The following ENO1 variants were observed in gnomAD, a reference collection of about 807,000 sequenced individuals.
ENO1 encodes the protein enolase 1, also known as alpha-enolase.
In ENO1, 33 loss-of-function variants were observed where a neutral mutation model predicts 46.3. The observed-to-expected ratio is 0.71, with a 90% CI of 0.54 to 0.95. ENO1 has a LOEUF of 0.95. Ranked by LOEUF, ENO1 falls within the 40% of genes least tolerant of loss-of-function variation. ENO1 has a pLI of 0.00. For missense variants in ENO1, 488 were observed against 553.3 expected (o/e 0.88, Z 1.18); for synonymous variants, 220 against 216.0 (o/e 1.02, Z -0.16).
chr1:8,874,852 A>G lies in ENO1; in HGVS notation c.57T>C (p.Thr19=). 1 of 1,613,880 alleles carries G rather than the reference A, an allele frequency of 6.2e-7. No homozygotes were observed. The highest frequency in any genetic ancestry group is 1.7e-5 in the Admixed American group (1 of 59,988). ...TTGAGGTGAAGAGATCAACCTCAAC[A>G]GTGGGATTCCCGCGAGAGTCAAAGA... The part of the protein sequence containing the change: ...REIFDSRGNP[T]VEVDLFTSKG... The change falls in exon 2 of 12, where the codon ACT becomes ACC. Residue 19 remains threonine, a synonymous_variant. Transcript: ENST00000234590.
rs1196880503 is a variant in ENO1 at position 8,863,974 on chromosome 1, G to A, written c.984C>T (p.Ile328=). 12 of 1,614,152 alleles carry A rather than the reference G, an allele frequency of 7.4e-6. No individual in the cohort carries two copies. Among genetic ancestry groups the A allele is most frequent in the South Asian group, 5.5e-5 (5 of 91,088 alleles). ...DDLTVTNPKR[I]AKAVNEKSCN... ...AGGACTTCTCGTTCACGGCCTTGGCGATCCTCTTTGGGTTGGTCACTGTGA... is the reference window on the plus strand; with the variant it reads ...AGGACTTCTCGTTCACGGCCTTGGCAATCCTCTTTGGGTTGGTCACTGTGA... The change falls in exon 9 of 12, where the codon ATC becomes ATT. Residue 328 remains isoleucine, a synonymous_variant. Coordinates refer to ENST00000234590, the MANE Select transcript of ENO1 (RefSeq NM_001428.5).
intron 1 of ENO1, among the ~76,000 whole-genome samples, chr1:8,877,039 G>C (rs1642749146): frequency 6.6e-6 from 1 of 151,252 alleles, no homozygotes. Flanking sequence ...GCCCAGGCTA[G>C]AGTGCAGTGA....
At chr1:8,867,949 T>C (rs1293651512) in intron 5 of ENO1, 39 bp downstream of exon 5, 1 of 1,582,836 alleles carries the variant, frequency 6.3e-7, no homozygotes, top group Non-Finnish European at 8.7e-7. Context: ...GGAGACTTCA[T>C]GATCTTCCCC....
At chr1:8,875,338 C>T (rs1642713879) in intron 1 of ENO1, among the ~76,000 whole-genome samples, 1 of 151,490 alleles carries the variant, frequency 6.6e-6, no homozygotes, top group Non-Finnish European at 1.5e-5. Flanking sequence ...AAAAAGCCCA[C>T]AAACGTGTGT....
chr1:8,874,577 C>CAAAAAAAAAAAAAAAAAAAAAA (rs140269736), intron 2 of ENO1, among the ~76,000 whole-genome samples: 3 of 51,602 alleles, frequency 5.8e-5, no homozygotes, highest in Non-Finnish European at 7.0e-5. Context: ...GACTCCATCT[C>CAAAAAAAAAAAAAAAAAAAAAA]AAAAAAAAAA....
intron 6 of ENO1, among the ~76,000 whole-genome samples, chr1:8,866,816 T>C (rs1368051321): frequency 6.6e-6 from 1 of 152,156 alleles, no homozygotes; most frequent in Non-Finnish European, 1.5e-5. Context: ...TCACGCCAGG[T>C]CTATTTTGAT....
In ENO1 at chr1:8,867,212, C is replaced by T. The variant is rs1411896968; in HGVS notation, c.349G>A (p.Ala117Thr). 1 of 1,614,056 alleles carries T rather than the reference C, an allele frequency of 6.2e-7. No homozygotes were observed. The highest frequency in any genetic ancestry group is 8.5e-7 in the Non-Finnish European group (1 of 1,180,028). Residue 117 changes from alanine to threonine, a missense_variant, in exon 6 of 12, where the codon GCC (alanine) becomes ACC (threonine). Ala to Thr is a moderately conservative substitution (Grantham distance 58). Coordinates refer to ENST00000234590, the MANE Select transcript of ENO1 (RefSeq NM_001428.5). ...TCAACGGCACCAGCTTTGCAGACGG[C>T]AAGGGACACCCCCAGAATGGCGTTC... is the stretch of plus-strand genomic sequence containing the variant. ...GANAILGVSL[A>T]VCKAGAVEKG... is the part of the protein sequence containing the mutation.
Position 8,861,243 on chromosome 1 carries a change from C to T in ENO1, c.*117G>A, listed in dbSNP as rs1344372097. ...CGGTACGAACTCCACGGCGGTGGGG[C>T]GCTAACTAGCAGGGACCCCTGCAAG... On this transcript the variant is annotated 3_prime_UTR_variant, in exon 12 of 12. Transcript: ENST00000234590. 13 of 1,039,472 alleles carry T rather than the reference C, an allele frequency of 1.3e-5. No homozygotes were observed. The highest frequency in any genetic ancestry group is 4.8e-5 in the East Asian group (2 of 41,554). 64.4% of individuals were successfully genotyped at this position (1,039,472 alleles called of 1,614,324 possible).
intron 1 of ENO1, among the ~76,000 whole-genome samples, chr1:8,875,371 A>G (rs1483351749): frequency 6.6e-6 from 1 of 152,046 alleles, no homozygotes; most frequent in Non-Finnish European, 1.5e-5. Flanking sequence ...TCAAATCCAA[A>G]TAGAAAGATG....
intron 1 of ENO1, chr1:8,878,040 C>G (rs1055694253): frequency 1.9e-5 from 3 of 154,070 alleles, no homozygotes; most frequent in Admixed American, 6.5e-5. Flanking sequence ...AATGAGTCAC[C>G]GCTTACTAGG....
At chr1:8,876,853 T>A (rs557697790) in intron 1 of ENO1, among the ~76,000 whole-genome samples, 8 of 152,006 alleles carry the variant, frequency 5.3e-5, no homozygotes, top group African/African-American at 1.9e-4. Flanking sequence ...GATTTTTTTT[T>A]TATTTTTTGA....
Position 8,865,339 on chromosome 1 carries a change from T to G in ENO1, c.811A>C (p.Ile271Leu). ...AGGTCAGCCAGCTGGTCAGGCGAGA[T>G]GTACCTGCTGGGGTCATCGGGAGAC... The part of the protein sequence containing the change: ...FKSPDDPSRY[I>L]SPDQLADLYK... The change falls in exon 8 of 12, where the codon ATC becomes CTC. Residue 271 changes from isoleucine (I) to leucine (L), a missense_variant. Coordinates refer to ENST00000234590, the MANE Select transcript of ENO1 (RefSeq NM_001428.5). 6.2e-7 allele frequency: 1 copy of G among 1,614,238 alleles called. No individual in the cohort carries two copies. Among genetic ancestry groups the G allele is most frequent in the Non-Finnish European group, 8.5e-7 (1 of 1,180,042 alleles).
At position 8,861,035 on chromosome 1, in the gene ENO1, C is replaced by A. The variant is rs1642389889; in HGVS notation, c.*325G>T. The A allele has an allele frequency of 7.3e-6, 2 of 272,312 alleles. No individual in the cohort carries two copies. Among genetic ancestry groups the A allele is most frequent in the Admixed American group, 9.8e-5 (2 of 20,434 alleles). 16.9% of individuals were successfully genotyped at this position (272,312 alleles called of 1,614,324 possible). A position where few individuals can be genotyped will look rare whatever the true frequency, so the allele number is the denominator to read the frequency against. ...GGTCACTGAGGCTTTTTATTTTGAG[C>A]ACAAAACCACCGGGGATCTAGCCTG... On this transcript the variant is annotated 3_prime_UTR_variant, in exon 12 of 12. Coordinates refer to ENST00000234590, the MANE Select transcript of ENO1 (RefSeq NM_001428.5).
intron 8 of ENO1, 76 bp from the exon 9 acceptor site, chr1:8,864,168 C>G (rs906982594): frequency 7.7e-5 from 117 of 1,516,220 alleles, no homozygotes; most frequent in Non-Finnish European, 1.0e-4. Context: ...CCTTGCTTCC[C>G]CCTTGACTTG....
chr1:8,866,884 C>CA (rs913750816), intron 6 of ENO1, among the ~76,000 whole-genome samples: 23 of 152,206 alleles, frequency 1.5e-4, no homozygotes, highest in Non-Finnish European at 2.9e-5. Flanking sequence ...GTAATGCTCA[C>CA]AGCCTAGCAA....
rs761002867 is a variant in ENO1 at position 8,867,978 on chromosome 1, G to C, written c.310+10C>G. The C allele has an allele frequency of 1.9e-6, 3 of 1,613,264 alleles. No homozygotes were observed. Among genetic ancestry groups the C allele is most frequent in the Non-Finnish European group, 2.5e-6 (3 of 1,179,508 alleles). On this transcript the variant is annotated intron_variant, in intron 5 of 11. Transcript: ENST00000234590. ...CTTCCCCAGTAAAGACGCCACCTCAGGCCACTCACATTTATTTTCTGTTCC... is the reference window on the plus strand; with the variant it reads ...CTTCCCCAGTAAAGACGCCACCTCACGCCACTCACATTTATTTTCTGTTCC...
intron 1 of ENO1, among the ~76,000 whole-genome samples, chr1:8,875,179 G>A (rs1179707138): frequency 6.6e-6 from 1 of 152,120 alleles, no homozygotes; most frequent in Non-Finnish European, 1.5e-5. Context: ...CGCTAAGGGC[G>A]TGGGAGTTAC....
chr1:8,871,698 G>C (rs1642636195), intron 3 of ENO1, 193 bp downstream of exon 3: 1 of 1,325,836 alleles, frequency 7.5e-7, no homozygotes, highest in African/African-American at 1.5e-5. Flanking sequence ...GCAGGCTCGG[G>C]AACCCCGGAA....
chr1:8,866,975 T>C, intron 6 of ENO1, 142 bp downstream of exon 6: 1 of 1,306,126 alleles, frequency 7.7e-7, no homozygotes, highest in Non-Finnish European at 1.0e-6. Context: ...AGTTACCTGC[T>C]CAAGGTCACA....
Sources: allele counts gnomAD v4.1 joint callset (sites outside exome capture counted in the v4.1 genomes callset), GRCh38; gene constraint gnomAD v4.1.1; transcripts MANE v1.5; gene names NCBI Gene and HGNC (gene_info 2026-07-23, HGNC 2026-07-21).